AGBL1: variants seen among roughly 807,000 people sequenced by gnomAD.
AGBL1 encodes cytosolic carboxypeptidase 4.
AGBL1 carries 130 observed loss-of-function variants against 118.9 expected under a neutral mutation model. The observed-to-expected ratio is 1.09, with a 90% CI of 0.95 to 1.26. The LOEUF (loss-of-function observed/expected upper bound fraction) is 1.26, where lower values mean the gene tolerates loss of function less well. Ranked by LOEUF, AGBL1 falls within the 50% of genes most tolerant of loss-of-function variation. The probability of loss-of-function intolerance (pLI) is 0.00; values close to 1 mark genes in which losing one functional copy is unlikely to be tolerated. For missense variants in AGBL1, 1,584 were observed against 1,298.1 expected (o/e 1.22, Z -3.38); for synonymous variants, 555 against 478.9 (o/e 1.16, Z -2.08).
intron 23 of AGBL1, among the ~76,000 whole-genome samples, chr15:86,932,693 T>TTGCATTG (rs2080619830): frequency 6.6e-6 from 1 of 152,218 alleles, no homozygotes; most frequent in South Asian, 2.1e-4. Flanking sequence ...ACATCAACTA[T>TTGCATTG]GGCTGACTCC....
At chr15:86,540,338 A>T (rs2083477251) in intron 19 of AGBL1, among the ~76,000 whole-genome samples, 1 of 152,166 alleles carries the variant, frequency 6.6e-6, no homozygotes, top group African/African-American at 2.4e-5. Flanking sequence ...TCACACCTGT[A>T]ATCCTAGCAC....
intron 21 of AGBL1, among the ~76,000 whole-genome samples, chr15:86,658,670 T>C (rs1814015159): frequency 6.6e-6 from 1 of 152,194 alleles, no homozygotes; most frequent in African/African-American, 2.4e-5. Flanking sequence ...ACACTCAGGA[T>C]TGCAAATCTT....
At chr15:86,833,089 C>T (rs2079127334) in intron 22 of AGBL1, among the ~76,000 whole-genome samples, 1 of 152,102 alleles carries the variant, frequency 6.6e-6, no homozygotes, top group Non-Finnish European at 1.5e-5. Flanking sequence ...TTAATCACAG[C>T]ATGGAAAAGA....
chr15:86,196,938 T>A (rs766460169), intron 5 of AGBL1, among the ~76,000 whole-genome samples: 34 of 147,542 alleles, frequency 2.3e-4, no homozygotes, highest in Non-Finnish European at 4.2e-4. Flanking sequence ...AAAGGCCATA[T>A]GAGGACATGC....
chr15:86,972,102 A>G (rs1268523570), intron 23 of AGBL1, among the ~76,000 whole-genome samples: 2 of 152,022 alleles, frequency 1.3e-5, no homozygotes, highest in African/African-American at 2.4e-5. Flanking sequence ...GTAGCAATAC[A>G]AAAACGAACT....
intron 22 of AGBL1, among the ~76,000 whole-genome samples, chr15:86,713,479 G>C (rs1200170620): frequency 2.0e-5 from 3 of 152,136 alleles, no homozygotes; most frequent in African/African-American, 7.2e-5. Flanking sequence ...GGACTGCATG[G>C]TTGTTACAAT....
chr15:86,911,344 G>A lies in AGBL1; in HGVS notation c.*4050G>A, dbSNP rs1403815290. The A allele has an allele frequency of 6.6e-6, 1 of 152,202 alleles. No homozygotes were observed. The highest frequency in any genetic ancestry group is 1.5e-5 in the Non-Finnish European group (1 of 68,058). The allele number at this position is 152,202 out of a possible 1,614,324, so 9.4% of individuals were successfully genotyped here. A position where few individuals can be genotyped will look rare whatever the true frequency, so the allele number is the denominator to read the frequency against. ...ATTTCACCTTTAAGATAGTCCCATT[G>A]TTAGAATAGAAGCCCAAGACTTGCC... On this transcript the variant is annotated 3_prime_UTR_variant, in exon 23 of 23. Coordinates refer to ENST00000614907, the MANE Select transcript of AGBL1 (RefSeq NM_001386094.1).
intron 18 of AGBL1, among the ~76,000 whole-genome samples, chr15:86,516,015 C>A (rs1369332205): frequency 6.6e-6 from 1 of 152,100 alleles, no homozygotes; most frequent in Non-Finnish European, 1.5e-5. Context: ...GAGGGAGCTT[C>A]CAGGTCATAG....
chr15:86,482,536 C>T lies in AGBL1; in HGVS notation c.2556-40274C>T, dbSNP rs144075164. 1.7e-3 allele frequency among the ~76,000 whole-genome samples: 254 copies of T among 152,120 alleles called. 1 individual carries two copies. Among genetic ancestry groups the T allele is most frequent in the Non-Finnish European group, 3.0e-3 (202 of 67,924 alleles). ...TCCTCCTATTTCATCTGGTGACTTT[C>T]GATACCTATAATTGAAACAAACTGC... is the stretch of plus-strand genomic sequence containing the variant. On this transcript the variant is annotated intron_variant, in intron 18 of 22. Coordinates refer to ENST00000614907, the MANE Select transcript of AGBL1 (RefSeq NM_001386094.1).
Position 86,666,524 on chromosome 15 carries a change from T to C in AGBL1, c.2995-7749T>C, listed in dbSNP as rs138844027. ...AATATGTATGACTCATTTTTTCTTA[T>C]CTTATTGAATTGTCTGGGTCTTGCC... On this transcript the variant is annotated intron_variant, in intron 21 of 22. Coordinates refer to ENST00000614907, the MANE Select transcript of AGBL1 (RefSeq NM_001386094.1). Among the ~76,000 whole-genome samples the C allele has an allele frequency of 3.1e-3, 473 of 152,288 alleles. 1 individual carries two copies. The highest frequency in any genetic ancestry group is 0.01 in the African/African-American group (432 of 41,570).
intron 14 of AGBL1, among the ~76,000 whole-genome samples, chr15:86,271,400 C>T (rs1239477095): frequency 6.6e-6 from 1 of 152,110 alleles, no homozygotes; most frequent in Non-Finnish European, 1.5e-5. Context: ...CCCTCTACCT[C>T]CCTTTCACAA....
intron 18 of AGBL1, among the ~76,000 whole-genome samples, chr15:86,418,881 T>C (rs2081741949): frequency 6.6e-6 from 1 of 152,172 alleles, no homozygotes; most frequent in Non-Finnish European, 1.5e-5. Context: ...TTCACTGAAC[T>C]GACATGTTAC....
chr15:86,551,364 G>C (rs1194983172), intron 20 of AGBL1, among the ~76,000 whole-genome samples: 1 of 152,034 alleles, frequency 6.6e-6, no homozygotes, highest in Non-Finnish European at 1.5e-5. Flanking sequence ...AGAAAAGAAA[G>C]AAGATACAAG....
chr15:86,355,004 C>A (rs2080690584), intron 17 of AGBL1, among the ~76,000 whole-genome samples: 2 of 152,120 alleles, frequency 1.3e-5, no homozygotes, highest in Admixed American at 6.6e-5. Flanking sequence ...TGACAGCCAG[C>A]AAGAGAATGG....
intron 15 of AGBL1, among the ~76,000 whole-genome samples, chr15:86,278,380 G>C (rs1441121743): frequency 6.6e-6 from 1 of 152,170 alleles, no homozygotes; most frequent in African/African-American, 2.4e-5. Context: ...AGGGAAGGAA[G>C]ATAAAGGTAT....
rs564693367 is a variant in AGBL1 at position 86,803,208 on chromosome 15, T to C, written c.3159-103879T>C. Among the ~76,000 whole-genome samples the C allele has an allele frequency of 7.2e-5, 11 of 152,250 alleles. No homozygotes were observed. In the East Asian group the frequency reaches 1.4e-3, roughly 19 times the overall value. On this transcript the variant is annotated intron_variant, in intron 22 of 22. Transcript: ENST00000614907. ...CTCATGTGTCAAGGGAGGGAGGTGA[T>C]TGGATCATGGGGGTTGTTTCTCCCG...
chr15:86,200,937 T>C (rs1301470814), intron 5 of AGBL1, among the ~76,000 whole-genome samples: 1 of 152,044 alleles, frequency 6.6e-6, no homozygotes, highest in Non-Finnish European at 1.5e-5. Context: ...ATTCTTTAAA[T>C]TGGAAAATAA....
intron 1 of AGBL1, among the ~76,000 whole-genome samples, chr15:86,091,201 A>G (rs1266926846): frequency 6.6e-6 from 1 of 152,108 alleles, no homozygotes; most frequent in Non-Finnish European, 1.5e-5. Flanking sequence ...GTTATTGTTC[A>G]TATGTCTATT....
At chr15:86,716,393 A>G (rs1397444122) in intron 22 of AGBL1, among the ~76,000 whole-genome samples, 3 of 152,056 alleles carry the variant, frequency 2.0e-5, no homozygotes, top group Non-Finnish European at 4.4e-5. Context: ...GTATTTTAAC[A>G]TCTCTCCCAG....
Sources: gnomAD v4.1 joint callset for allele counts (sites outside exome capture counted in the v4.1 genomes callset) on GRCh38, gnomAD v4.1.1 for gene constraint, MANE v1.5 for transcripts, NCBI Gene and HGNC (gene_info 2026-07-23, HGNC 2026-07-21) for gene names.